HERC6: variants seen among roughly 807,000 people sequenced by gnomAD.
HERC6 encodes HECT and RLD domain containing E3 ubiquitin protein ligase family member 6, also known as probable E3 ubiquitin-protein ligase HERC6.
HERC6 carries 101 observed loss-of-function variants against 114.5 expected under a neutral mutation model. The observed-to-expected ratio is 0.88, with a 90% CI of 0.75 to 1.04. The LOEUF (loss-of-function observed/expected upper bound fraction) is 1.04, where lower values mean the gene tolerates loss of function less well. Among genes scored for constraint, HERC6 ranks in the 50% least tolerant of loss-of-function variants. HERC6 has a pLI of 0.00. For missense variants in HERC6, 1,133 were observed against 1,230.9 expected (o/e 0.92, Z 1.19); for synonymous variants, 408 against 436.2 (o/e 0.94, Z 0.81).
chr4:88,438,128 A>G (rs997820239), intron 20 of HERC6, among the ~76,000 whole-genome samples: 2 of 148,192 alleles, frequency 1.3e-5, no homozygotes, highest in Non-Finnish European at 3.0e-5. Context: ...TGTGTCTCAA[A>G]AAAAAAAAAA....
intron 17 of HERC6, among the ~76,000 whole-genome samples, chr4:88,432,521 A>G (rs1332642766): frequency 6.6e-6 from 1 of 151,984 alleles, no homozygotes; most frequent in East Asian, 1.9e-4. Context: ...GGAATTCGAG[A>G]CCAGCCTGGC....
intron 2 of HERC6, 99 bp downstream of exon 2, chr4:88,383,479 C>T (rs1367793234): frequency 4.3e-6 from 4 of 930,872 alleles, no homozygotes; most frequent in Non-Finnish European, 6.0e-6. Context: ...CTATGACAGG[C>T]CAGCTGCAGT....
chr4:88,430,972 G>C (rs1340145977), intron 16 of HERC6, among the ~76,000 whole-genome samples, 190 bp from the exon 17 acceptor site: 1 of 152,182 alleles, frequency 6.6e-6, no homozygotes, highest in East Asian at 1.9e-4. Flanking sequence ...AACAATCTGA[G>C]AATAAATAGA....
At chr4:88,424,781 C>T in intron 15 of HERC6, 79 bp downstream of exon 15, 2 of 788,264 alleles carry the variant, frequency 2.5e-6, no homozygotes, top group South Asian at 1.8e-5. Context: ...AATCCCATCA[C>T]CAAGATTCAG....
At chr4:88,387,020 G>A (rs1300393356) in intron 3 of HERC6, among the ~76,000 whole-genome samples, 53 of 152,224 alleles carry the variant, frequency 3.5e-4, no homozygotes, top group Admixed American at 3.5e-3. Context: ...TCTATGGACA[G>A]CTAACATTTA....
At chr4:88,411,355 C>T (rs969409449) in intron 11 of HERC6, among the ~76,000 whole-genome samples, 2 of 152,018 alleles carry the variant, frequency 1.3e-5, no homozygotes, top group African/African-American at 4.8e-5. Context: ...ATCAAAGATT[C>T]TATGATGTCA....
intron 11 of HERC6, among the ~76,000 whole-genome samples, chr4:88,412,053 T>G (rs934325327): frequency 6.6e-6 from 1 of 152,226 alleles, no homozygotes; most frequent in African/African-American, 2.4e-5. Flanking sequence ...TAGATTTTAC[T>G]ACTATGGTAG....
Position 88,417,550 on chromosome 4 carries a change from C to G in HERC6, c.1684C>G (p.Leu562Val). ...ACAGGATCACTGTAATGTTAAAGCT[C>G]TTTTAGGAATGATGAAAGAACTGCA... ...TEQDHCNVKALLGMMKELHKV... is the reference protein window; with the variant it reads ...TEQDHCNVKAVLGMMKELHKV... The change falls in exon 13 of 23, where the codon CTT becomes GTT. Residue 562 changes from leucine to valine, a missense_variant. Around this residue, in one of 3 missense-constraint regions of HERC6, gnomAD observed 735 missense variants for 754.0 expected, o/e 0.97. Coordinates refer to ENST00000264346, the MANE Select transcript of HERC6 (RefSeq NM_017912.4). 6.2e-7 allele frequency: 1 copy of G among 1,612,944 alleles called. No individual in the cohort carries two copies. The highest frequency in any genetic ancestry group is 8.5e-7 in the Non-Finnish European group (1 of 1,179,440).
intron 3 of HERC6, among the ~76,000 whole-genome samples, chr4:88,390,255 G>A (rs796487298): frequency 2.5e-4 from 38 of 152,072 alleles, no homozygotes; most frequent in African/African-American, 9.2e-4. Flanking sequence ...CAGGGGCTGG[G>A]GGTTGGGGGG....
In HERC6 at chr4:88,442,248, C is replaced by T. The variant is rs1478737280; in HGVS notation, c.2857C>T (p.Arg953Cys). Residue 953 changes from arginine (R) to cysteine (C), a missense_variant, in exon 23 of 23, where the codon CGT becomes TGT. By Grantham distance (180) the Arg-to-Cys change is radical (BLOSUM62 -3). Coordinates refer to ENST00000264346, the MANE Select transcript of HERC6 (RefSeq NM_017912.4). ...KKKFLFFLTG[R>C]DRLHARGIQK... ...TTCCTTTCTAGTTTTCCTTACAGGA[C>T]GTGATAGGCTGCATGCAAGAGGCAT... The T allele has an allele frequency of 8.7e-6, 14 of 1,610,658 alleles. No homozygotes were observed. Among genetic ancestry groups the T allele is most frequent in the African/African-American group, 4.0e-5 (3 of 74,880 alleles).
chr4:88,428,566 A>T lies in HERC6; in HGVS notation c.1936-14A>T. On this transcript the variant is annotated splice_polypyrimidine_tract_variant and intron_variant, in intron 15 of 22. Transcript: ENST00000264346. ...GTCAAAAGGAGAAGCCAACTAAAAA[A>T]TTTATTTTTCCAGATGTCAGAAAAG... The T allele has an allele frequency of 6.4e-7, 1 of 1,564,736 alleles. No individual in the cohort carries two copies. Among genetic ancestry groups the T allele is most frequent in the Non-Finnish European group, 8.6e-7 (1 of 1,161,704 alleles).
rs773445538 is a variant in HERC6 at position 88,379,110 on chromosome 4, G to A, written c.189G>A (p.Gly63=). ...TGGGCCGCAGGGGCGCGCAGCGCGG[G>A]GAGCTGCCAGGTGAGCGGGGGGCCC... is the stretch of plus-strand genomic sequence containing the variant. ...GQLGRRGAQR[G]ELPEPIQALE... Residue 63 remains glycine (G), a synonymous_variant, in exon 1 of 23, where the codon GGG becomes GGA. Transcript: ENST00000264346. The A allele has an allele frequency of 1.9e-6, 3 of 1,542,416 alleles. No individual in the cohort carries two copies. In the South Asian group the frequency reaches 3.6e-5, roughly 18 times the overall value.
intron 1 of HERC6, among the ~76,000 whole-genome samples, chr4:88,381,263 A>G (rs1232458956): frequency 6.6e-6 from 1 of 152,150 alleles, no homozygotes; most frequent in Admixed American, 6.6e-5. Flanking sequence ...CTGACAAAAG[A>G]CAGATTGACA....
chr4:88,408,546 A>C lies in HERC6; in HGVS notation c.1297A>C (p.Ile433Leu), dbSNP rs1735920176. 5.0e-6 allele frequency: 8 copies of C among 1,599,706 alleles called. No homozygotes were observed. Among genetic ancestry groups the C allele is most frequent in the Non-Finnish European group, 6.8e-6 (8 of 1,172,656 alleles). The part of the protein sequence containing the change: ...KKRGTGETTS[I>L]DVDLEMARDT... Reference sequence around the variant, plus strand: ...AAGAGGAACTGGAGAAACGACTTCCATTGATGTGGACTTAGAAATGGCAAG... The same window carrying C: ...AAGAGGAACTGGAGAAACGACTTCCCTTGATGTGGACTTAGAAATGGCAAG... The change falls in exon 11 of 23, where the codon ATT becomes CTT. Residue 433 changes from isoleucine (I) to leucine (L), a missense_variant. By Grantham distance (5) the Ile-to-Leu change is conservative. Transcript: ENST00000264346.
chr4:88,431,405 G>C (rs1738193875), intron 17 of HERC6, 100 bp downstream of exon 17: 1 of 1,325,914 alleles, frequency 7.5e-7, no homozygotes, highest in Non-Finnish European at 1.0e-6. Flanking sequence ...AGGTCATATA[G>C]AGCTTTGCTA....
At chr4:88,381,554 CTTTTT>C (rs142058374) in intron 1 of HERC6, among the ~76,000 whole-genome samples, 16 of 95,830 alleles carry the variant, frequency 1.7e-4, no homozygotes, top group African/African-American at 6.2e-4. Flanking sequence ...CCCTTCTCTT[CTTTTT>C]TTTTTTTTTT....
intron 12 of HERC6, 127 bp from the exon 13 acceptor site, chr4:88,417,298 A>AC: frequency 1.1e-6 from 1 of 911,112 alleles, no homozygotes; most frequent in South Asian, 1.6e-5. Flanking sequence ...TAAAAAAGAT[A>AC]TTCATAAATT....
intron 20 of HERC6, among the ~76,000 whole-genome samples, chr4:88,438,134 A>C (rs1738956448): frequency 6.6e-6 from 1 of 151,924 alleles, no homozygotes; most frequent in Admixed American, 6.6e-5. Context: ...TCAAAAAAAA[A>C]AAAAAAAAAA....
intron 7 of HERC6, among the ~76,000 whole-genome samples, chr4:88,397,200 C>T (rs1235076184): frequency 2.6e-5 from 4 of 151,900 alleles, no homozygotes; most frequent in African/African-American, 7.3e-5. Context: ...ATAACCTCCG[C>T]CTCCTGGGTT....
Sources: gnomAD v4.1 joint callset for allele counts (sites outside exome capture counted in the v4.1 genomes callset) on GRCh38, gnomAD v4.1.1 for gene constraint, gnomAD v4.1.1 regional missense constraint, MANE v1.5 for transcripts, NCBI Gene and HGNC (gene_info 2026-07-23, HGNC 2026-07-21) for gene names.